Variants in SLC4A7 observed in about 807,000 individuals in gnomAD.
SLC4A7 encodes the protein sodium bicarbonate cotransporter 3.
In SLC4A7, 51 loss-of-function variants were observed where a neutral mutation model predicts 137.6. That is an observed-to-expected ratio of 0.37 (90% confidence interval 0.30 to 0.47). The LOEUF is 0.47. SLC4A7 is among the 20% of genes least tolerant of loss of function. SLC4A7 has a pLI of 1.00. For missense variants in SLC4A7, 1,247 were observed against 1,525.4 expected, an observed-to-expected ratio of 0.82 and a Z score of 3.04; for synonymous variants, 542 against 518.6, an observed-to-expected ratio of 1.05 and a Z score of -0.61.
intron 1 of SLC4A7, among the ~76,000 whole-genome samples, chr3:27,480,854 G>A (rs2059677710): frequency 6.6e-6 from 1 of 152,114 alleles, no homozygotes; most frequent in Non-Finnish European, 1.5e-5. Flanking sequence ...ATGGAAAGCA[G>A]AAATGTAAAT....
chr3:27,397,730 A>C lies in SLC4A7; in HGVS notation c.2657T>G (p.Leu886Arg), dbSNP rs1266726328. Reference protein sequence around the residue: ...TIVIMVTIDYLVGVPSPKLHV... With the variant: ...TIVIMVTIDYRVGVPSPKLHV... ...AAGTTTAGGAGATGGAACTCCTACA[A>C]GGTAGTCAATTGTAACCATTATTAC... The change falls in exon 18 of 26, where the codon CTT becomes CGT. Residue 886 changes from leucine (L) to arginine (R), a missense_variant. By Grantham distance (102) the Leu-to-Arg change is moderately radical (BLOSUM62 -2). Transcript: ENST00000454389. The C allele has an allele frequency of 6.2e-7, 1 of 1,609,358 alleles. No individual in the cohort carries two copies. Among genetic ancestry groups the C allele is most frequent in the Admixed American group, 1.7e-5 (1 of 59,566 alleles).
chr3:27,408,372 G>C (rs576229223), intron 13 of SLC4A7, among the ~76,000 whole-genome samples: 1 of 152,298 alleles, frequency 6.6e-6, no homozygotes, highest in East Asian at 1.9e-4. Context: ...ATTTGTGACA[G>C]CACATAAAGC....
At chr3:27,443,654 T>G (rs1160364013) in intron 3 of SLC4A7, among the ~76,000 whole-genome samples, 1 of 152,212 alleles carries the variant, frequency 6.6e-6, no homozygotes, top group Non-Finnish European at 1.5e-5. Flanking sequence ...TGCTACAAAT[T>G]TTTCTCTAAA....
intron 1 of SLC4A7, among the ~76,000 whole-genome samples, chr3:27,456,411 C>A (rs569584943): frequency 6.6e-6 from 1 of 152,092 alleles, no homozygotes; most frequent in Non-Finnish European, 1.5e-5. Flanking sequence ...TTTAAAGACT[C>A]GTTCAAGTAA....
intron 7 of SLC4A7, among the ~76,000 whole-genome samples, chr3:27,428,830 C>G (rs1348655343): frequency 6.6e-6 from 1 of 152,032 alleles, no homozygotes; most frequent in Non-Finnish European, 1.5e-5. Context: ...GCATTAGTAT[C>G]CATCACATTG....
At chr3:27,438,661 A>G (rs2056948992) in intron 3 of SLC4A7, among the ~76,000 whole-genome samples, 1 of 106,214 alleles carries the variant, frequency 9.4e-6, no homozygotes, top group South Asian at 2.9e-4. Flanking sequence ...AATAACAAAC[A>G]TAACATAAAA....
chr3:27,382,960 G>A (rs1390163799), intron 24 of SLC4A7, among the ~76,000 whole-genome samples, 193 bp downstream of exon 24: 1 of 152,214 alleles, frequency 6.6e-6, no homozygotes, highest in African/African-American at 2.4e-5. Context: ...GTTAGTCCAA[G>A]TCCAGCTTGG....
rs182343432 is a variant in SLC4A7, at chr3:27,421,730, T to C, written c.1316A>G (p.Asn439Ser). Reference protein sequence around the residue: ...RKIPTGAEASNVLVGEVDFLE... With the variant: ...RKIPTGAEASSVLVGEVDFLE... ...AAAGTCTACTTCGCCCACCAGGACG[T>C]TGGATGCCTCAGCACCCGTAGGAAT... Residue 439 changes from asparagine (N) to serine (S), a missense_variant, in exon 9 of 26, where the codon AAC becomes AGC. Asn to Ser is a conservative substitution (Grantham distance 46, BLOSUM62 1). Coordinates refer to ENST00000454389, the MANE Select transcript of SLC4A7 (RefSeq NM_001321103.2). 7 of 1,613,808 alleles carry C rather than the reference T, an allele frequency of 4.3e-6. No individual in the cohort carries two copies. The highest frequency in any genetic ancestry group is 5.1e-6 in the Non-Finnish European group (6 of 1,179,710).
chr3:27,466,240 A>G (rs1462118715), intron 1 of SLC4A7, among the ~76,000 whole-genome samples: 1 of 151,714 alleles, frequency 6.6e-6, no homozygotes, highest in Non-Finnish European at 1.5e-5. Context: ...TCACGAGGTC[A>G]GGAGATCGAG....
chr3:27,424,223 T>G (rs151065697), intron 7 of SLC4A7, 71 bp from the exon 8 acceptor site: 2 of 726,706 alleles, frequency 2.8e-6, no homozygotes, highest in East Asian at 2.6e-5. Context: ...GCTCACATTC[T>G]GAAAGTGATG....
chr3:27,455,234 A>C (rs559734985), intron 1 of SLC4A7, among the ~76,000 whole-genome samples: 1 of 152,328 alleles, frequency 6.6e-6, no homozygotes, highest in African/African-American at 2.4e-5. Flanking sequence ...AACCAGACCC[A>C]AAAAATGGAA....
chr3:27,448,653 T>C lies in SLC4A7; in HGVS notation c.287A>G (p.Tyr96Cys). 1.9e-6 allele frequency: 3 copies of C among 1,609,804 alleles called. No homozygotes were observed. The highest frequency in any genetic ancestry group is 2.5e-6 in the Non-Finnish European group (3 of 1,178,060). Residue 96 changes from tyrosine (Y) to cysteine (C), a missense_variant and splice_region_variant, in exon 3 of 26, where the codon TAT becomes TGT. This residue lies in a region of SLC4A7 where 176 missense variants were observed against 186.4 expected (regional missense o/e 0.94). Coordinates refer to ENST00000454389, the MANE Select transcript of SLC4A7 (RefSeq NM_001321103.2). ...DKEDGRESPS[Y>C]DTPSQRVQFI... ...AAAGAAGAACTGTTTTCTCTTACCATAAGAAGGAGATTCCCGTCCATCTTC... is the reference window on the plus strand; with the variant it reads ...AAAGAAGAACTGTTTTCTCTTACCACAAGAAGGAGATTCCCGTCCATCTTC...
At chr3:27,419,734 G>C (rs2054761884) in intron 10 of SLC4A7, among the ~76,000 whole-genome samples, 1 of 151,980 alleles carries the variant, frequency 6.6e-6, no homozygotes, top group South Asian at 2.1e-4. Context: ...TGAGAGTGTA[G>C]AGAAAAATAC....
intron 8 of SLC4A7, 112 bp downstream of exon 8, chr3:27,423,925 A>C (rs924350597): frequency 1.6e-6 from 1 of 641,606 alleles, no homozygotes; most frequent in Non-Finnish European, 2.7e-6. Context: ...GTTTGTAAGC[A>C]CCAGTCTACT....
intron 1 of SLC4A7, among the ~76,000 whole-genome samples, chr3:27,477,896 T>C (rs2059530624): frequency 6.6e-6 from 1 of 152,166 alleles, no homozygotes; most frequent in African/African-American, 2.4e-5. Flanking sequence ...ATTACAGGCA[T>C]GAGCCACCGC....
chr3:27,458,497 C>T (rs78344780), intron 1 of SLC4A7, among the ~76,000 whole-genome samples: 23,553 of 152,076 alleles, frequency 0.15, 2,003 homozygotes, highest in South Asian at 0.27. Context: ...AACAGAAATC[C>T]CAATAACACC....
At position 27,466,431 on chromosome 3, in the gene SLC4A7, G is replaced by A. The variant is rs537382874; in HGVS notation, c.61-13933C>T. Among the ~76,000 whole-genome samples, 62 of 144,604 alleles carry A rather than the reference G, an allele frequency of 4.3e-4. 2 individuals are homozygous for A. The South Asian group carries it at 0.012, about 28-fold the overall frequency. The allele number at this position is 144,604 out of a possible 152,430, so 94.9% of individuals were successfully genotyped here. A position where few individuals can be genotyped will look rare whatever the true frequency, so the allele number is the denominator to read the frequency against. ...CGCGCCACTGCACTCCAACCTGGGC[G>A]ACAGCGAGACTCCGTCTCAAAAAAA... On this transcript the variant is annotated intron_variant, in intron 1 of 25. Coordinates refer to ENST00000454389, the MANE Select transcript of SLC4A7 (RefSeq NM_001321103.2).
chr3:27,433,102 C>T (rs1238597927), intron 6 of SLC4A7: 1 of 152,136 alleles, frequency 6.6e-6, no homozygotes, highest in Non-Finnish European at 1.5e-5. Flanking sequence ...TGGTAGAACA[C>T]TTAAAAGTCA....
chr3:27,390,437 G>A lies in SLC4A7; in HGVS notation c.3187-333C>T, dbSNP rs73046161. 394 of 180,982 alleles carry A rather than the reference G, an allele frequency of 2.2e-3. 1 individual carries two copies. The highest frequency in any genetic ancestry group is 3.8e-3 in the Non-Finnish European group (332 of 86,252). 11.2% of individuals were successfully genotyped at this position (180,982 alleles called of 1,614,324 possible). A position where few individuals can be genotyped will look rare whatever the true frequency, so the allele number is the denominator to read the frequency against. ...CACAAGTCATTTATCTCTTTGTTTT[G>A]TAATGTTCATGACAAAAGAATAGTC... is the stretch of plus-strand genomic sequence containing the variant. On this transcript the variant is annotated intron_variant, in intron 21 of 25. Coordinates refer to ENST00000454389, the MANE Select transcript of SLC4A7 (RefSeq NM_001321103.2).
Sources: allele counts gnomAD v4.1 joint callset (sites outside exome capture counted in the v4.1 genomes callset), GRCh38; gene constraint gnomAD v4.1.1; regional missense constraint gnomAD v4.1.1; transcripts MANE v1.5; gene names NCBI Gene and HGNC (gene_info 2026-07-23, HGNC 2026-07-21).